The following NRG1 variants were observed in gnomAD, a reference collection of about 807,000 sequenced individuals.
NRG1 encodes pro-neuregulin-1, membrane-bound isoform.
Under a neutral mutation model 63.8 loss-of-function variants are expected in NRG1, and 18 were observed. The ratio of observed to expected loss-of-function variants is 0.28; its 90% CI spans 0.19 to 0.42. NRG1 has a LOEUF of 0.42. NRG1 is among the 10% of genes least tolerant of loss of function. The pLI is 1.00. For missense variants in NRG1, 762 were observed against 814.7 expected, an observed-to-expected ratio of 0.94 and a Z score of 0.79; for synonymous variants, 302 against 301.3, an observed-to-expected ratio of 1.00 and a Z score of -0.02.
At chr8:32,349,205 C>T (rs1179859628) in intron 1 of NRG1, among the ~76,000 whole-genome samples, 2 of 152,184 alleles carry the variant, frequency 1.3e-5, no homozygotes, top group African/African-American at 4.8e-5. Context: ...AATCAGAATC[C>T]CAATGGTCTC....
intron 1 of NRG1, among the ~76,000 whole-genome samples, chr8:31,918,205 C>A (rs1362410146): frequency 6.6e-6 from 1 of 152,130 alleles, no homozygotes; most frequent in Non-Finnish European, 1.5e-5. Context: ...TCCTCTCCTG[C>A]CTAATTGCCC....
At chr8:32,350,355 C>T (rs549067139) in intron 1 of NRG1, among the ~76,000 whole-genome samples, 3 of 152,174 alleles carry the variant, frequency 2.0e-5, no homozygotes, top group Non-Finnish European at 4.4e-5. Flanking sequence ...GCCACAAATG[C>T]TTTCTCTATA....
intron 1 of NRG1, among the ~76,000 whole-genome samples, chr8:32,283,108 T>A (rs2129473428): frequency 1.3e-5 from 2 of 152,316 alleles, no homozygotes; most frequent in South Asian, 4.1e-4. Context: ...TTCCAAATTG[T>A]TATTCCAATT....
At chr8:32,564,285 A>G (rs770896979) in intron 1 of NRG1, among the ~76,000 whole-genome samples, 11 of 152,258 alleles carry the variant, frequency 7.2e-5, no homozygotes, top group Non-Finnish European at 1.6e-4. Context: ...TGGGTGCTTC[A>G]TGAATGGCCT....
At chr8:32,699,980 T>C (rs754303343) in intron 5 of NRG1, among the ~76,000 whole-genome samples, 9 of 152,198 alleles carry the variant, frequency 5.9e-5, no homozygotes, top group Non-Finnish European at 1.0e-4. Flanking sequence ...CGATTCAGTG[T>C]TTTTAGTAAA....
chr8:32,449,120 C>T (rs2038458818), intron 1 of NRG1, among the ~76,000 whole-genome samples: 1 of 151,914 alleles, frequency 6.6e-6, no homozygotes, highest in Non-Finnish European at 1.5e-5. Context: ...CATGGTGAAA[C>T]CCCATCTCTA....
intron 1 of NRG1, among the ~76,000 whole-genome samples, chr8:32,221,587 C>T (rs1301620440): frequency 6.6e-6 from 1 of 152,142 alleles, no homozygotes; most frequent in Non-Finnish European, 1.5e-5. Context: ...CATATTATCT[C>T]TAGGCAGTAA....
chr8:31,754,440 T>C (rs1347531472), intron 1 of NRG1, among the ~76,000 whole-genome samples: 1 of 152,112 alleles, frequency 6.6e-6, no homozygotes, highest in Non-Finnish European at 1.5e-5. Context: ...ACACCCTCTT[T>C]GCCTTCCACC....
At chr8:32,274,329 C>G (rs999904452) in intron 1 of NRG1, among the ~76,000 whole-genome samples, 5 of 152,152 alleles carry the variant, frequency 3.3e-5, no homozygotes, top group Non-Finnish European at 5.9e-5. Flanking sequence ...CCTCCACACA[C>G]CAATGCTTTG....
intron 1 of NRG1, among the ~76,000 whole-genome samples, chr8:31,918,154 A>G (rs1833575166): frequency 6.6e-6 from 1 of 152,140 alleles, no homozygotes; most frequent in Admixed American, 6.6e-5. Context: ...GCAAACAGGG[A>G]CAATTTGACT....
chr8:32,133,241 G>A (rs994384589), intron 1 of NRG1, among the ~76,000 whole-genome samples: 1 of 152,076 alleles, frequency 6.6e-6, no homozygotes, highest in Non-Finnish European at 1.5e-5. Context: ...AATCAGTGGT[G>A]TGCTGGTGTA....
Position 32,576,328 on chromosome 8 carries a change from T to C in NRG1, c.101-19500T>C, listed in dbSNP as rs183884630. Among the ~76,000 whole-genome samples, 59 of 152,302 alleles carry C rather than the reference T, an allele frequency of 3.9e-4. 3 individuals are homozygous for C. The East Asian group carries it at 6.5e-3, about 17-fold the overall frequency. On this transcript the variant is annotated intron_variant, in intron 1 of 11. Transcript: ENST00000356819. ...ATTCTCTTTCCCTCATTTTCTCTTC[T>C]TTTTTTGTTTTTTAAAAAATAATTT... is the stretch of plus-strand genomic sequence containing the variant.
At chr8:32,590,242 A>C (rs1842286701) in intron 1 of NRG1, among the ~76,000 whole-genome samples, 1 of 152,180 alleles carries the variant, frequency 6.6e-6, no homozygotes, top group Non-Finnish European at 1.5e-5. Context: ...TGCATTTCTA[A>C]GGATGTGGAT....
Position 32,541,545 on chromosome 8 carries a change from G to A in NRG1, c.38-54283G>A, listed in dbSNP as rs1470397696. On this transcript the variant is annotated intron_variant, in intron 1 of 10. Coordinates refer to the NRG1 transcript ENST00000519301. Reference sequence around the variant, plus strand: ...AGAGTTGACCTATTAAATTACTCTCGCTGTTCAAATATTTGAAGTACTAAT... The same window carrying A: ...AGAGTTGACCTATTAAATTACTCTCACTGTTCAAATATTTGAAGTACTAAT... 4.7e-5 allele frequency among the ~76,000 whole-genome samples: 7 copies of A among 148,946 alleles called. No individual in the cohort carries two copies. In the East Asian group the frequency reaches 1.2e-3, roughly 25 times the overall value.
intron 1 of NRG1, among the ~76,000 whole-genome samples, chr8:31,882,576 T>C (rs974495612): frequency 5.3e-5 from 8 of 152,098 alleles, no homozygotes; most frequent in African/African-American, 1.7e-4. Flanking sequence ...CTCTGGTGTA[T>C]GTGGACAAAG....
intron 1 of NRG1, among the ~76,000 whole-genome samples, chr8:31,915,020 G>T (rs1833262833): frequency 6.6e-6 from 1 of 151,344 alleles, no homozygotes; most frequent in African/African-American, 2.4e-5. Flanking sequence ...TCATTTGTTT[G>T]GGACATTTTT....
chr8:32,208,255 A>T (rs568549121), intron 1 of NRG1, among the ~76,000 whole-genome samples: 2 of 151,782 alleles, frequency 1.3e-5, no homozygotes, highest in East Asian at 3.9e-4. Context: ...GTACTCTCAA[A>T]CATTGCTGGT....
At chr8:32,622,696 C>G (rs554109390) in intron 5 of NRG1, among the ~76,000 whole-genome samples, 2 of 152,108 alleles carry the variant, frequency 1.3e-5, no homozygotes, top group East Asian at 1.9e-4. Context: ...TGCCTGGCCC[C>G]GAGATTCAGT....
chr8:31,666,909 C>A (rs1406823744), intron 1 of NRG1, among the ~76,000 whole-genome samples: 2 of 152,198 alleles, frequency 1.3e-5, no homozygotes, highest in African/African-American at 4.8e-5. Context: ...TTATTATGTG[C>A]CAAATAGTGC....
Sources: allele counts gnomAD v4.1 joint callset (sites outside exome capture counted in the v4.1 genomes callset), GRCh38; gene constraint gnomAD v4.1.1; transcripts MANE v1.5; gene names NCBI Gene and HGNC (gene_info 2026-07-23, HGNC 2026-07-21).